The following WBP1L variants were observed in gnomAD, a reference collection of about 807,000 sequenced individuals.
The protein encoded by WBP1L is WW domain binding protein 1 like.
In WBP1L, 17 loss-of-function variants were observed where a neutral mutation model predicts 33.7. The ratio of observed to expected loss-of-function variants is 0.50; its 90% CI spans 0.34 to 0.76. The LOEUF is 0.76. Among genes scored for constraint, WBP1L ranks in the 30% least tolerant of loss-of-function variants. The pLI is 0.01. For synonymous variants in WBP1L, 173 were observed against 190.8 expected (o/e 0.91, Z 0.77); for missense variants, 389 against 469.4 (o/e 0.83, Z 1.58).
intron 1 of WBP1L, among the ~76,000 whole-genome samples, chr10:102,762,597 G>C (rs938809127): frequency 2.0e-5 from 3 of 152,072 alleles, no homozygotes; most frequent in African/African-American, 4.8e-5. Context: ...CATTTTCTTT[G>C]ACACACACAT....
intron 1 of WBP1L, among the ~76,000 whole-genome samples, chr10:102,769,801 A>T (rs1445585188): frequency 6.6e-6 from 1 of 152,184 alleles, no homozygotes; most frequent in African/African-American, 2.4e-5. Flanking sequence ...ACATGATTTG[A>T]TGTTTAGCAA....
At chr10:102,762,870 G>A (rs755491487) in intron 1 of WBP1L, among the ~76,000 whole-genome samples, 6 of 152,068 alleles carry the variant, frequency 3.9e-5, no homozygotes, top group Non-Finnish European at 4.4e-5. Flanking sequence ...GGGTTTCAGG[G>A]CAGGTGAGCA....
At chr10:102,759,439 A>G (rs929845327) in intron 1 of WBP1L, among the ~76,000 whole-genome samples, 49 of 152,236 alleles carry the variant, frequency 3.2e-4, no homozygotes, top group African/African-American at 1.1e-3. Context: ...TCTAATTTGT[A>G]TTATGACTAT....
At chr10:102,784,869 T>C (rs1010149638) in intron 1 of WBP1L, among the ~76,000 whole-genome samples, 108 of 61,530 alleles carry the variant, frequency 1.8e-3, no homozygotes, top group Non-Finnish European at 4.0e-3. Context: ...CCCACTTTTT[T>C]TTCTTTTTTT....
intron 2 of WBP1L, among the ~76,000 whole-genome samples, chr10:102,806,095 T>TG (rs965890459): frequency 3.4e-4 from 51 of 150,676 alleles, no homozygotes; most frequent in African/African-American, 1.2e-3. Flanking sequence ...CACCTGTAGT[T>TG]GCAGCTGCTG....
At chr10:102,808,692 C>A (rs1843778243) in intron 2 of WBP1L, among the ~76,000 whole-genome samples, 1 of 152,174 alleles carries the variant, frequency 6.6e-6, no homozygotes, top group African/African-American at 2.4e-5. Flanking sequence ...GGACCTGAGG[C>A]AATTAGAATT....
At chr10:102,809,747 G>A in intron 2 of WBP1L, 146 bp from the exon 3 acceptor site, 1 of 846,118 alleles carries the variant, frequency 1.2e-6, no homozygotes, top group East Asian at 2.6e-5. Flanking sequence ...TTGATCACAT[G>A]GCTTCAATGT....
chr10:102,773,623 C>A (rs1029567025), intron 1 of WBP1L, among the ~76,000 whole-genome samples: 1 of 151,988 alleles, frequency 6.6e-6, no homozygotes. Flanking sequence ...CTTAGTGGCT[C>A]ATGCCTGTAA....
Position 102,772,257 on chromosome 10 carries a change from C to CTTTTTTTTTTTT in WBP1L, c.91-25724_91-25713dup, listed in dbSNP as rs34766191. Among the ~76,000 whole-genome samples, 2 of 61,032 alleles carry CTTTTTTTTTTTT rather than the reference C, an allele frequency of 3.3e-5. 1 individual carries two copies. The highest frequency in any genetic ancestry group is 1.4e-4 in the African/African-American group (2 of 14,448). The allele number at this position is 61,032 out of a possible 152,430, so 40.0% of individuals were successfully genotyped here. A position where few individuals can be genotyped will look rare whatever the true frequency, so the allele number is the denominator to read the frequency against. On this transcript the variant is annotated intron_variant, in intron 1 of 3. Coordinates refer to ENST00000448841, the MANE Select transcript of WBP1L (RefSeq NM_001083913.2). ...ACAAGCGTAAGCCACTGCGCCCGGCCTTTTTTTTTTTTTTTTTTTTTTTGA... is the reference window on the plus strand; with the variant it reads ...ACAAGCGTAAGCCACTGCGCCCGGCCTTTTTTTTTTTTTTTTTTTTTTTTTTTTTTTTTTTGA...
intron 1 of WBP1L, among the ~76,000 whole-genome samples, chr10:102,768,215 C>T (rs1843137179): frequency 2.6e-5 from 4 of 151,952 alleles, no homozygotes; most frequent in Admixed American, 1.3e-4. Context: ...GCTGAGTTTA[C>T]AGGCATGTGC....
At chr10:102,765,478 C>T (rs898608912) in intron 1 of WBP1L, among the ~76,000 whole-genome samples, 1 of 152,188 alleles carries the variant, frequency 6.6e-6, no homozygotes, top group East Asian at 1.9e-4. Context: ...AAGTGATCCA[C>T]CCTCCTTGGC....
intron 1 of WBP1L, among the ~76,000 whole-genome samples, chr10:102,752,198 C>G (rs759826659): frequency 2.0e-5 from 3 of 152,124 alleles, no homozygotes; most frequent in African/African-American, 4.8e-5. Context: ...GACAGCCCCC[C>G]ACGACAAAGA....
chr10:102,780,363 A>G (rs11817098), intron 1 of WBP1L, among the ~76,000 whole-genome samples: 12 of 152,258 alleles, frequency 7.9e-5, no homozygotes, highest in African/African-American at 2.9e-4. Context: ...TGACAAGATC[A>G]GAAAATAGGT....
intron 1 of WBP1L, among the ~76,000 whole-genome samples, chr10:102,782,470 T>C (rs932311618): frequency 2.6e-5 from 4 of 151,776 alleles, no homozygotes; most frequent in Non-Finnish European, 5.9e-5. Flanking sequence ...CAGAATACTT[T>C]GGGGCTATTT....
intron 2 of WBP1L, among the ~76,000 whole-genome samples, chr10:102,806,379 G>A (rs1327397518): frequency 6.6e-6 from 1 of 152,092 alleles, no homozygotes; most frequent in African/African-American, 2.4e-5. Flanking sequence ...ATGCAGCCAG[G>A]TTCTTAAGCA....
chr10:102,803,108 C>T (rs1302801701), intron 2 of WBP1L, among the ~76,000 whole-genome samples: 4 of 152,218 alleles, frequency 2.6e-5, no homozygotes, highest in Admixed American at 1.3e-4. Context: ...TCTGCCTTTT[C>T]TCTTCCACGT....
At chr10:102,769,518 C>T (rs1294233962) in intron 1 of WBP1L, among the ~76,000 whole-genome samples, 1 of 152,160 alleles carries the variant, frequency 6.6e-6, no homozygotes, top group East Asian at 1.9e-4. Flanking sequence ...CAGGGCAAGA[C>T]TGATTCATCC....
At chr10:102,768,271 GC>G (rs1477011202) in intron 1 of WBP1L, among the ~76,000 whole-genome samples, 7 of 150,466 alleles carry the variant, frequency 4.7e-5, no homozygotes, top group Admixed American at 2.0e-4. Flanking sequence ...GGCTGGTTTT[GC>G]CATGTTTGCC....
chr10:102,813,071 T>TGC lies in WBP1L; in HGVS notation c.833_834dup (p.Asn279AlafsTer68). ...TGACTCGGGCATTGAAGTGTGTGTG[T>TGC]GCAACCGGGGCCACCATGACGATGA... is the stretch of plus-strand genomic sequence containing the variant. On this transcript the variant is annotated frameshift_variant, in exon 4 of 4. Transcript: ENST00000448841. LOFTEE classifies it high-confidence loss of function. 6.2e-7 allele frequency: 1 copy of TGC among 1,613,826 alleles called. No individual in the cohort carries two copies. The highest frequency in any genetic ancestry group is 8.5e-7 in the Non-Finnish European group (1 of 1,180,022).
Sources: allele counts gnomAD v4.1 joint callset (sites outside exome capture counted in the v4.1 genomes callset), GRCh38; gene constraint gnomAD v4.1.1; transcripts MANE v1.5; gene names NCBI Gene and HGNC (gene_info 2026-07-23, HGNC 2026-07-21).